ZNF770: variants seen among roughly 807,000 people sequenced by gnomAD.
ZNF770 encodes the protein zinc finger protein 770.
ZNF770 carries 13 observed loss-of-function variants against 44.8 expected under a neutral mutation model. The observed-to-expected ratio is 0.29, with a 90% CI of 0.19 to 0.46. ZNF770 has a LOEUF of 0.46. ZNF770 is among the 20% of genes least tolerant of loss of function. The probability of loss-of-function intolerance (pLI) is 1.00; values close to 1 mark genes in which losing one functional copy is unlikely to be tolerated. For missense variants in ZNF770, 681 were observed against 797.9 expected, an observed-to-expected ratio of 0.85 and a Z score of 1.77; for synonymous variants, 304 against 271.8, an observed-to-expected ratio of 1.12 and a Z score of -1.17.
At chr15:34,986,024 T>C (rs2050432265) in intron 2 of ZNF770, among the ~76,000 whole-genome samples, 1 of 152,076 alleles carries the variant, frequency 6.6e-6, no homozygotes, top group Non-Finnish European at 1.5e-5. Flanking sequence ...TAAAAAAGTT[T>C]ATGAAAGCTG....
intron 2 of ZNF770, 56 bp from the exon 3 acceptor site, chr15:34,983,546 GTAACT>G (rs2050416462): frequency 3.0e-6 from 3 of 985,658 alleles, no homozygotes; most frequent in African/African-American, 1.7e-5. Flanking sequence ...CATATGAAAA[GTAACT>G]TAAGTTGTTC....
rs2050383327 is a variant in ZNF770 at position 34,978,850 on chromosome 15, TA to T, written c.*2508del. 1 of 152,206 alleles carries T rather than the reference TA, an allele frequency of 6.6e-6. No homozygotes were observed. The highest frequency in any genetic ancestry group is 2.4e-5 in the African/African-American group (1 of 41,450). 9.4% of individuals were successfully genotyped at this position (152,206 alleles called of 1,614,324 possible). ...CTCAAGTCCCTTACATAAAATGACA[TA>T]TTTGTATATAACCAACGCACATCCG... On this transcript the variant is annotated 3_prime_UTR_variant, in exon 3 of 3. Coordinates refer to ENST00000356321, the MANE Select transcript of ZNF770 (RefSeq NM_014106.4).
intron 2 of ZNF770, among the ~76,000 whole-genome samples, chr15:34,984,702 C>A (rs569460260): frequency 6.6e-6 from 1 of 151,490 alleles, no homozygotes; most frequent in African/African-American, 2.4e-5. Flanking sequence ...TCCCAAAAGA[C>A]AAGCATAGAG....
In ZNF770 at chr15:34,982,188, C is replaced by T. The variant is rs150714921; in HGVS notation, c.1247G>A (p.Gly416Glu). The T allele has an allele frequency of 1.4e-5, 22 of 1,612,594 alleles. No individual in the cohort carries two copies. Among genetic ancestry groups the T allele is most frequent in the Non-Finnish European group, 1.4e-5 (16 of 1,179,696 alleles). ...CGTAAGGATGCCTTTCAAATTTTTT[C>T]CCATATTTTGCCAAGAAAATGGCAA... ...LTLPFSWQNM[G>E]KNLKGILTTE... Residue 416 changes from glycine (G) to glutamate (E), a missense_variant, in exon 3 of 3, where the codon GGA (glycine) becomes GAA (glutamate). Coordinates refer to ENST00000356321, the MANE Select transcript of ZNF770 (RefSeq NM_014106.4).
In ZNF770 at chr15:34,981,967, G is replaced by C; in HGVS notation, c.1468C>G (p.Leu490Val). The stretch of plus-strand genomic sequence containing the variant: ...GTATGAATTAAATAGTGTCTTTTTA[G>C]TTTGGATATAGAAGGAAATACCTTC... ...CEKVFPSISK[L>V]KRHYLIHTGQ... Residue 490 changes from leucine to valine, a missense_variant, in exon 3 of 3, where the codon CTA (leucine) becomes GTA (valine). By Grantham distance (32) the Leu-to-Val change is conservative. Transcript: ENST00000356321. The C allele has an allele frequency of 6.2e-7, 1 of 1,613,868 alleles. No individual in the cohort carries two copies. Among genetic ancestry groups the C allele is most frequent in the Non-Finnish European group, 8.5e-7 (1 of 1,179,966 alleles).
chr15:34,981,950 T>C lies in ZNF770; in HGVS notation c.1485A>G (p.Leu495=), dbSNP rs2050404511. ...CAAAGGGCCTCTGTCCAGTATGAATTAAATAGTGTCTTTTTAGTTTGGATA... is the reference window on the plus strand; with the variant it reads ...CAAAGGGCCTCTGTCCAGTATGAATCAAATAGTGTCTTTTTAGTTTGGATA... ...PSISKLKRHY[L]IHTGQRPFGC... The change falls in exon 3 of 3, where the codon TTA becomes TTG. Residue 495 remains leucine (L), a synonymous_variant. Coordinates refer to ENST00000356321, the MANE Select transcript of ZNF770 (RefSeq NM_014106.4). The C allele has an allele frequency of 6.2e-7, 1 of 1,614,014 alleles. No homozygotes were observed. Among genetic ancestry groups the C allele is most frequent in the Non-Finnish European group, 8.5e-7 (1 of 1,179,986 alleles).
rs2050416084 is a variant in ZNF770, at chr15:34,983,476, A to C, written c.-42T>G. ...CTCTGATGAGCTCCATACTGTTCTT[A>C]AATTCCACAGATGTCTAAAAATTAA... On this transcript the variant is annotated 5_prime_UTR_variant, in exon 3 of 3. Coordinates refer to ENST00000356321, the MANE Select transcript of ZNF770 (RefSeq NM_014106.4). The C allele has an allele frequency of 1.5e-6, 2 of 1,352,236 alleles. No individual in the cohort carries two copies. The highest frequency in any genetic ancestry group is 3.0e-5 in the African/African-American group (2 of 67,044). 83.8% of individuals were successfully genotyped at this position (1,352,236 alleles called of 1,614,324 possible). A position where few individuals can be genotyped will look rare whatever the true frequency, so the allele number is the denominator to read the frequency against.
chr15:34,983,122 C>G lies in ZNF770; in HGVS notation c.313G>C (p.Glu105Gln). The G allele has an allele frequency of 6.2e-7, 1 of 1,614,046 alleles. No individual in the cohort carries two copies. The highest frequency in any genetic ancestry group is 1.1e-5 in the South Asian group (1 of 91,070). The change falls in exon 3 of 3, where the codon GAA becomes CAA. Residue 105 changes from glutamate (E) to glutamine (Q), a missense_variant. Physicochemically the swap from Glu to Gln is conservative, Grantham distance 29 (BLOSUM62 2). Coordinates refer to ENST00000356321, the MANE Select transcript of ZNF770 (RefSeq NM_014106.4). ...TGTTTAACATTATTCTGATAGGTTT[C>G]ATTGTGAAGTTGTTGGTGCTTCACA... Reference protein sequence around the residue: ...TFVKHQQLHNETYQNNVKQVR... With the variant: ...TFVKHQQLHNQTYQNNVKQVR...
rs2050399579 is a variant in ZNF770, at chr15:34,981,287, A to C, written c.*72T>G. On this transcript the variant is annotated 3_prime_UTR_variant, in exon 3 of 3. Transcript: ENST00000356321. ...AGTTTAATGCAGGCCTTTCAATAAA[A>C]ATGCATTTTAAATAATACAGGCTTT... 4 of 1,432,682 alleles carry C rather than the reference A, an allele frequency of 2.8e-6. No individual in the cohort carries two copies. The highest frequency in any genetic ancestry group is 3.7e-6 in the Non-Finnish European group (4 of 1,087,078). The allele number at this position is 1,432,682 out of a possible 1,614,324, so 88.7% of individuals were successfully genotyped here.
chr15:34,987,310 G>GTCTAA (rs2140524043), intron 2 of ZNF770, among the ~76,000 whole-genome samples: 1 of 152,324 alleles, frequency 6.6e-6, no homozygotes, highest in South Asian at 2.1e-4. Flanking sequence ...ACCATTAGTG[G>GTCTAA]CAAGTGGTGA....
rs1356212695 is a variant in ZNF770 at position 34,985,336 on chromosome 15, TAA to T, written c.-56-1848_-56-1847del. Reference sequence around the variant, plus strand: ...ATGTATCTTCTAGATCAGAGAGTTCTAAGTCTGGAGTTCTTTTGTCAGCTGAT... The same window carrying T: ...ATGTATCTTCTAGATCAGAGAGTTCTGTCTGGAGTTCTTTTGTCAGCTGAT... On this transcript the variant is annotated intron_variant, in intron 2 of 2. Coordinates refer to ENST00000356321, the MANE Select transcript of ZNF770 (RefSeq NM_014106.4). 2.6e-5 allele frequency among the ~76,000 whole-genome samples: 4 copies of T among 152,256 alleles called. No individual in the cohort carries two copies. The East Asian group carries it at 7.7e-4, about 29-fold the overall frequency.
In ZNF770 at chr15:34,982,465, T is replaced by C. The variant is rs146487733; in HGVS notation, c.970A>G (p.Ser324Gly). 2.4e-5 allele frequency: 39 copies of C among 1,613,928 alleles called. No homozygotes were observed. The African/African-American group carries it at 4.7e-4, about 19-fold the overall frequency. ...CFAARSGKIPSRFKRSYNYKT... is the reference protein window; with the variant it reads ...CFAARSGKIPGRFKRSYNYKT... The stretch of plus-strand genomic sequence containing the variant: ...TAGTTGTAGCTTCTTTTGAACCTGC[T>C]TGGAATTTTGCCACTTCTAGCAGCA... The change falls in exon 3 of 3, where the codon AGC (serine) becomes GGC (glycine). Residue 324 changes from serine to glycine, a missense_variant. Coordinates refer to ENST00000356321, the MANE Select transcript of ZNF770 (RefSeq NM_014106.4).
In ZNF770 at chr15:34,982,758, T is replaced by A. The variant is rs767633617; in HGVS notation, c.677A>T (p.Lys226Met). The part of the protein sequence containing the change: ...FQCCFCQKGF[K>M]IQSKLLKHKQ... ...ATGCTTCAGAAGTTTGCTTTGAATCTTAAATCCTTTTTGACAAAAACAACA... is the reference window on the plus strand; with the variant it reads ...ATGCTTCAGAAGTTTGCTTTGAATCATAAATCCTTTTTGACAAAAACAACA... Residue 226 changes from lysine (K) to methionine (M), a missense_variant, in exon 3 of 3, where the codon AAG becomes ATG. Around this residue, in one of 5 missense-constraint regions of ZNF770, gnomAD observed 432 missense variants for 434.1 expected, o/e 1.00. Coordinates refer to ENST00000356321, the MANE Select transcript of ZNF770 (RefSeq NM_014106.4). The A allele has an allele frequency of 6.2e-7, 1 of 1,614,016 alleles. No individual in the cohort carries two copies. The highest frequency in any genetic ancestry group is 1.1e-5 in the South Asian group (1 of 91,076).
In ZNF770 at chr15:34,981,818, A is replaced by G; in HGVS notation, c.1617T>C (p.Phe539=). Residue 539 remains phenylalanine, a synonymous_variant, in exon 3 of 3, where the codon TTT becomes TTC. Coordinates refer to ENST00000356321, the MANE Select transcript of ZNF770 (RefSeq NM_014106.4). ...GATTAGAAAGATTGTTGAAGTTTCC[A>G]AATTCTACTTGGCAAAGAGATGCAT... ...SPYASLCQVE[F]GNFNNLSNHS... 6 of 1,614,114 alleles carry G rather than the reference A, an allele frequency of 3.7e-6. No homozygotes were observed. The highest frequency in any genetic ancestry group is 5.1e-6 in the Non-Finnish European group (6 of 1,180,028).
chr15:34,986,999 G>C (rs190725783), intron 2 of ZNF770, among the ~76,000 whole-genome samples: 5 of 152,384 alleles, frequency 3.3e-5, no homozygotes, highest in Non-Finnish European at 5.9e-5. Context: ...GTCAGGCAAA[G>C]CCTGGTAATT....
In ZNF770 at chr15:34,981,121, A is replaced by G; in HGVS notation, c.*238T>C. ...AATACAGCCAAAGTATATGTTTACA[A>G]TATTAAAATGCCTACTTTATAGCAT... On this transcript the variant is annotated 3_prime_UTR_variant, in exon 3 of 3. Transcript: ENST00000356321. The G allele has an allele frequency of 4.1e-6, 2 of 488,862 alleles. No homozygotes were observed. Among genetic ancestry groups the G allele is most frequent in the Non-Finnish European group, 3.6e-6 (1 of 277,982 alleles). 30.3% of individuals were successfully genotyped at this position (488,862 alleles called of 1,614,324 possible).
Position 34,982,975 on chromosome 15 carries a change from T to G in ZNF770, c.460A>C (p.Lys154Gln), listed in dbSNP as rs780688849. ...CSKSDPMYSM[K>Q]RRKNIHACTI... ...CATGCATGAATATTCTTTCTTCTTT[T>G]CATGCTATACATGGGATCAGACTTA... The change falls in exon 3 of 3, where the codon AAA (lysine) becomes CAA (glutamine). Residue 154 changes from lysine (K) to glutamine (Q), a missense_variant. This residue lies in a region of ZNF770 where 432 missense variants were observed against 434.1 expected (regional missense o/e 1.00). Coordinates refer to ENST00000356321, the MANE Select transcript of ZNF770 (RefSeq NM_014106.4). 1.9e-6 allele frequency: 3 copies of G among 1,614,116 alleles called. No individual in the cohort carries two copies. Among genetic ancestry groups the G allele is most frequent in the South Asian group, 1.1e-5 (1 of 91,084 alleles).
chr15:34,981,537 C>CT lies in ZNF770; in HGVS notation c.1897dup (p.Ser633LysfsTer7), dbSNP rs1292178640. On this transcript the variant is annotated frameshift_variant, in exon 3 of 3. Coordinates refer to ENST00000356321, the MANE Select transcript of ZNF770 (RefSeq NM_014106.4). LOFTEE classifies it high-confidence loss of function. ...TTCCAGTTTAGATGGAGATCGGAAA[C>CT]TTTTAGCACAAACACTGCATCGGTA... The CT allele has an allele frequency of 6.2e-7, 1 of 1,614,048 alleles. No homozygotes were observed. Among genetic ancestry groups the CT allele is most frequent in the African/African-American group, 1.3e-5 (1 of 74,908 alleles).
In ZNF770 at chr15:34,987,609, C is replaced by T. The variant is rs1057227255; in HGVS notation, c.-109G>A. The T allele has an allele frequency of 6.6e-6, 1 of 152,232 alleles. No homozygotes were observed. The highest frequency in any genetic ancestry group is 6.5e-5 in the Admixed American group (1 of 15,288). 9.4% of individuals were successfully genotyped at this position (152,232 alleles called of 1,614,324 possible). On this transcript the variant is annotated 5_prime_UTR_variant, in exon 2 of 3. Coordinates refer to ENST00000356321, the MANE Select transcript of ZNF770 (RefSeq NM_014106.4). The stretch of plus-strand genomic sequence containing the variant: ...GCTGAAAGCCTGTTGATTTTCTTGT[C>T]TTGACTAGTACCATTAAAACGATGT...
Sources: gnomAD v4.1 joint callset for allele counts (sites outside exome capture counted in the v4.1 genomes callset) on GRCh38, gnomAD v4.1.1 for gene constraint, gnomAD v4.1.1 regional missense constraint, MANE v1.5 for transcripts, NCBI Gene and HGNC (gene_info 2026-07-23, HGNC 2026-07-21) for gene names.